The following CA5A variants were observed in gnomAD, a reference collection of about 807,000 sequenced individuals.
CA5A encodes the protein carbonic anhydrase 5A, also known as carbonic anhydrase 5A, mitochondrial.
CA5A carries 28 observed loss-of-function variants against 37.1 expected under a neutral mutation model. That is an observed-to-expected ratio of 0.75 (90% confidence interval 0.56 to 1.03). The LOEUF is 1.03. CA5A is among the 50% of genes least tolerant of loss of function. The pLI, the probability that CA5A is intolerant of heterozygous loss-of-function variation, is 0.00. For synonymous variants in CA5A, 171 were observed against 158.4 expected (o/e 1.08, Z -0.60); for missense variants, 444 against 399.9 (o/e 1.11, Z -0.94).
Position 87,904,238 on chromosome 16 carries a change from A to G in CA5A, c.459+548T>C, listed in dbSNP as rs536174200. On this transcript the variant is annotated intron_variant, in intron 3 of 6. Coordinates refer to ENST00000649794, the MANE Select transcript of CA5A (RefSeq NM_001739.2). ...GCACCTGTAATCCCAGCTACTCGGG[A>G]GGCTGAGGCAGGAGAATCGCTTGAG... is the stretch of plus-strand genomic sequence containing the variant. Among the ~76,000 whole-genome samples, 20 of 152,056 alleles carry G rather than the reference A, an allele frequency of 1.3e-4. No individual in the cohort carries two copies. The East Asian group carries it at 3.1e-3, about 24-fold the overall frequency.
intron 1 of CA5A, among the ~76,000 whole-genome samples, chr16:87,929,780 C>T (rs113629476): frequency 7.3e-6 from 1 of 136,282 alleles, no homozygotes; most frequent in South Asian, 2.4e-4. Flanking sequence ...GCTGAGGCAG[C>T]AGAATGGCGT....
At chr16:87,886,014 T>C (rs1008544359), downstream of CA5A, 6 of 152,136 alleles carry the variant, frequency 3.9e-5, no homozygotes, top group African/African-American at 1.4e-4. Flanking sequence ...TTACATGAAT[T>C]AATGGAAACC....
intron 2 of CA5A, 56 bp downstream of exon 2, chr16:87,926,692 C>T: frequency 1.4e-6 from 2 of 1,417,162 alleles, no homozygotes; most frequent in East Asian, 2.3e-5. Context: ...AGCTCTTGAC[C>T]CTGCTGCCAG....
At chr16:87,898,645 G>T (rs1337673904) in intron 5 of CA5A, among the ~76,000 whole-genome samples, 2 of 152,084 alleles carry the variant, frequency 1.3e-5, no homozygotes, top group African/African-American at 2.4e-5. Flanking sequence ...GCCACAGCTG[G>T]GCCTTAAACT....
intron 5 of CA5A, among the ~76,000 whole-genome samples, chr16:87,895,343 C>T (rs560749026): frequency 8.4e-4 from 128 of 152,204 alleles, no homozygotes; most frequent in African/African-American, 3.0e-3. Flanking sequence ...GTCAGGAGTT[C>T]GAGACCAGCC....
At chr16:87,889,339 C>G (rs1276108871) in intron 6 of CA5A, among the ~76,000 whole-genome samples, 1 of 152,078 alleles carries the variant, frequency 6.6e-6, no homozygotes, top group African/African-American at 2.4e-5. Flanking sequence ...CAGGCATGAG[C>G]TACTGCACCC....
intron 5 of CA5A, among the ~76,000 whole-genome samples, chr16:87,899,582 C>T (rs1213328044): frequency 2.0e-5 from 3 of 150,106 alleles, no homozygotes; most frequent in Non-Finnish European, 3.0e-5. Context: ...GGATTACAGG[C>T]GTGAGCCACC....
At chr16:87,910,877 G>C (rs963121131) in intron 2 of CA5A, among the ~76,000 whole-genome samples, 9 of 152,026 alleles carry the variant, frequency 5.9e-5, no homozygotes, top group Non-Finnish European at 1.3e-4. Context: ...TGCTTCCCGA[G>C]TAGCTGGGAT....
chr16:87,889,966 C>T lies in CA5A; in HGVS notation c.775-1694G>A, dbSNP rs181150133. 3.0e-3 allele frequency among the ~76,000 whole-genome samples: 460 copies of T among 152,306 alleles called. 1 individual carries two copies. The highest frequency in any genetic ancestry group is 0.01 in the African/African-American group (430 of 41,564). Reference sequence around the variant, plus strand: ...TGATGCAGCGCCCCCTAGAGTTGCGCGCATGGTGCACGTGGCCTCCTGGGC... The same window carrying T: ...TGATGCAGCGCCCCCTAGAGTTGCGTGCATGGTGCACGTGGCCTCCTGGGC... On this transcript the variant is annotated intron_variant, in intron 6 of 6. Transcript: ENST00000649794.
chr16:87,935,650 T>C (rs942473662), intron 1 of CA5A, among the ~76,000 whole-genome samples: 4 of 150,860 alleles, frequency 2.7e-5, no homozygotes, highest in African/African-American at 9.8e-5. Flanking sequence ...CCAAGGTGGG[T>C]GGATCACCTG....
At chr16:87,888,642 A>G (rs942501221) in intron 6 of CA5A, among the ~76,000 whole-genome samples, 2 of 152,202 alleles carry the variant, frequency 1.3e-5, no homozygotes, top group Admixed American at 1.3e-4. Context: ...TTGAGCTTTC[A>G]GATTGCTACA....
At chr16:87,915,021 G>C (rs1041671941) in intron 2 of CA5A, among the ~76,000 whole-genome samples, 2 of 152,212 alleles carry the variant, frequency 1.3e-5, no homozygotes, top group Non-Finnish European at 2.9e-5. Flanking sequence ...CATGGCCGCC[G>C]CACCACCAGC....
At position 87,911,338 on chromosome 16, in the gene CA5A, C is replaced by A. The variant is rs558787515; in HGVS notation, c.341-6434G>T. Among the ~76,000 whole-genome samples the A allele has an allele frequency of 6.6e-6, 1 of 152,104 alleles. No homozygotes were observed. Among genetic ancestry groups the A allele is most frequent in the Admixed American group, 6.6e-5 (1 of 15,264 alleles). On this transcript the variant is annotated intron_variant, in intron 2 of 6. Transcript: ENST00000649794. This position sits in a 1 kb window ranked among gnomAD's most constrained non-coding sequence, Gnocchi z 4.6. ...CATAATAACAGATGACGTTTGGGGC[C>A]GGCTCCAGGCTGTGACGTGCTGGCC...
intron 1 of CA5A, among the ~76,000 whole-genome samples, chr16:87,934,302 C>G (rs931250767): frequency 6.6e-6 from 1 of 152,276 alleles, no homozygotes; most frequent in African/African-American, 2.4e-5. Context: ...GGCGTGGTGG[C>G]TCACGCCTGC....
rs561634393 is a variant in CA5A, at chr16:87,916,162, C to T, written c.340+10586G>A. On this transcript the variant is annotated intron_variant, in intron 2 of 6. Coordinates refer to ENST00000649794, the MANE Select transcript of CA5A (RefSeq NM_001739.2). ...CAGCCTGGGTGACAGAGCAAGACTC[C>T]GTCTCAAAAAAAAAAAAAACAAAAA... 5.4e-4 allele frequency among the ~76,000 whole-genome samples: 71 copies of T among 132,690 alleles called. 1 individual carries two copies. The highest frequency in any genetic ancestry group is 2.0e-3 in the African/African-American group (61 of 30,752). 87.0% of individuals were successfully genotyped at this position (132,690 alleles called of 152,430 possible).
downstream of CA5A, chr16:87,884,261 C>CAAAAAA (rs969489629): frequency 3.4e-4 from 9 of 26,792 alleles, no homozygotes; most frequent in Non-Finnish European, 4.8e-4. Flanking sequence ...ACTAAAAATG[C>CAAAAAA]AAAAAAAAAA....
Position 87,902,507 on chromosome 16 carries a change from T to G in CA5A, c.473A>C (p.His158Pro), listed in dbSNP as rs754607374. ...HAYPAELHLV[H>P]WNSVKYQNYK... Reference sequence around the variant, plus strand: ...ATTTTGGTATTTCACAGAATTCCAGTGAACTAAATGCAGCTGAAACACAAT... The same window carrying G: ...ATTTTGGTATTTCACAGAATTCCAGGGAACTAAATGCAGCTGAAACACAAT... Residue 158 changes from histidine to proline, a missense_variant, in exon 4 of 7, where the codon CAC (histidine) becomes CCC (proline). Physicochemically the swap from His to Pro is moderately conservative, Grantham distance 77 (BLOSUM62 -2). Coordinates refer to ENST00000649794, the MANE Select transcript of CA5A (RefSeq NM_001739.2). 6.4e-7 allele frequency: 1 copy of G among 1,559,718 alleles called. No homozygotes were observed. The highest frequency in any genetic ancestry group is 1.4e-5 in the African/African-American group (1 of 73,824).
chr16:87,926,905 GC>G lies in CA5A; in HGVS notation c.182del (p.Gly61AlafsTer20). ...GGATGTTAATAGGAGACTGCCGGGT[GC>G]CCCCTGGCACGGAGACCGGGACCGT... ...LWTVPVSVPG[G>X]TRQSPINIQW... On this transcript the variant is annotated frameshift_variant, in exon 2 of 7. Transcript: ENST00000649794. LOFTEE classifies it high-confidence loss of function. 6.2e-7 allele frequency: 1 copy of G among 1,605,064 alleles called. No homozygotes were observed. Among genetic ancestry groups the G allele is most frequent in the Admixed American group, 1.7e-5 (1 of 58,578 alleles).
intron 1 of CA5A, among the ~76,000 whole-genome samples, chr16:87,930,565 T>C (rs945941474): frequency 6.6e-6 from 1 of 151,902 alleles, no homozygotes; most frequent in Non-Finnish European, 1.5e-5. Flanking sequence ...GGGCAGAGGA[T>C]GCTGACGAGT....
Sources: allele counts gnomAD v4.1 joint callset (sites outside exome capture counted in the v4.1 genomes callset), GRCh38; gene constraint gnomAD v4.1.1; non-coding constraint Gnocchi (gnomAD v3.1); transcripts MANE v1.5; gene names NCBI Gene and HGNC (gene_info 2026-07-23, HGNC 2026-07-21).